The following LRBA variants were observed in gnomAD, a reference collection of about 807,000 sequenced individuals.
The protein encoded by LRBA is LPS responsive beige-like anchor protein.
In LRBA, 176 loss-of-function variants were observed where a neutral mutation model predicts 330.0. The observed-to-expected ratio is 0.53, with a 90% confidence interval of 0.47 to 0.60. The LOEUF is 0.60. Among genes scored for constraint, LRBA ranks in the 20% least tolerant of loss-of-function variants. The pLI is 0.00. For missense variants in LRBA, 3,259 were observed against 3,444.8 expected (o/e 0.95, Z 1.35); for synonymous variants, 1,230 against 1,193.0 (o/e 1.03, Z -0.64).
At chr4:150,573,230 A>G (rs1302991951) in intron 40 of LRBA, among the ~76,000 whole-genome samples, 1 of 152,174 alleles carries the variant, frequency 6.6e-6, no homozygotes, top group African/African-American at 2.4e-5. Flanking sequence ...TCACGCCAAC[A>G]AGGGTGTTAT....
intron 50 of LRBA, among the ~76,000 whole-genome samples, chr4:150,320,947 A>T (rs1321971744): frequency 6.6e-6 from 1 of 152,192 alleles, no homozygotes; most frequent in Non-Finnish European, 1.5e-5. Context: ...ATACTATATT[A>T]GAAACAATAT....
chr4:150,268,064 A>G (rs905002151), intron 56 of LRBA, among the ~76,000 whole-genome samples: 1 of 152,042 alleles, frequency 6.6e-6, no homozygotes, highest in Non-Finnish European at 1.5e-5. Context: ...CATCTCAAAA[A>G]AAAAAAAAAA....
chr4:150,788,609 A>T (rs1490508126), intron 34 of LRBA, among the ~76,000 whole-genome samples: 1 of 151,842 alleles, frequency 6.6e-6, no homozygotes, highest in Non-Finnish European at 1.5e-5. Context: ...AAAATACAAA[A>T]ATTAGCCGGG....
chr4:150,796,280 A>T (rs1740777677), intron 34 of LRBA, among the ~76,000 whole-genome samples: 1 of 151,948 alleles, frequency 6.6e-6, no homozygotes, highest in Non-Finnish European at 1.5e-5. Flanking sequence ...CACTTTTGTG[A>T]TTGCCAAGTT....
At chr4:150,685,704 C>T (rs1783555012) in intron 36 of LRBA, among the ~76,000 whole-genome samples, 2 of 151,060 alleles carry the variant, frequency 1.3e-5, no homozygotes, top group Admixed American at 6.6e-5. Context: ...AAAAGTGCTG[C>T]GATTACAGGC....
At chr4:150,323,016 TG>T (rs1732749578) in intron 49 of LRBA, among the ~76,000 whole-genome samples, 5 of 143,542 alleles carry the variant, frequency 3.5e-5, no homozygotes, top group Admixed American at 2.1e-4. Context: ...TGTGTGTGTG[TG>T]TGTGTGTGGG....
intron 40 of LRBA, among the ~76,000 whole-genome samples, chr4:150,566,320 T>A (rs911211944): frequency 6.6e-6 from 1 of 152,178 alleles, no homozygotes; most frequent in African/African-American, 2.4e-5. Context: ...TATTACTACA[T>A]AAATCTACCA....
In LRBA at chr4:150,643,812, CATG is replaced by C. The variant is rs1236542780; in HGVS notation, c.5921+39736_5921+39738del. On this transcript the variant is annotated intron_variant, in intron 37 of 56. Coordinates refer to ENST00000651943, the MANE Select transcript of LRBA (RefSeq NM_001364905.1). ...TAAATAATTGGAAAAAAAGATATTTCATGATGTGAAAATTATATAAAATTCATA... is the reference window on the plus strand; with the variant it reads ...TAAATAATTGGAAAAAAAGATATTTCATGTGAAAATTATATAAAATTCATA... Among the ~76,000 whole-genome samples the C allele has an allele frequency of 2.0e-5, 3 of 151,948 alleles. No homozygotes were observed. In the South Asian group the frequency reaches 6.2e-4, roughly 31 times the overall value.
intron 2 of LRBA, among the ~76,000 whole-genome samples, chr4:150,960,162 T>C (rs1737987464): frequency 1.3e-5 from 2 of 149,088 alleles, no homozygotes; most frequent in South Asian, 2.1e-4. Flanking sequence ...TATAATATCA[T>C]CATTATTCAG....
chr4:150,277,641 A>G (rs1432241887), intron 56 of LRBA, among the ~76,000 whole-genome samples: 1 of 152,002 alleles, frequency 6.6e-6, no homozygotes, highest in Non-Finnish European at 1.5e-5. Context: ...TTCCCTCTGC[A>G]GGTTTTACTA....
intron 44 of LRBA, among the ~76,000 whole-genome samples, chr4:150,452,416 G>A (rs1043449073): frequency 6.6e-6 from 1 of 152,182 alleles, no homozygotes; most frequent in African/African-American, 2.4e-5. Flanking sequence ...AAGGTCAGGA[G>A]ATGGAGACCA....
intron 2 of LRBA, among the ~76,000 whole-genome samples, chr4:150,948,056 A>C (rs558634196): frequency 6.6e-6 from 1 of 152,208 alleles, no homozygotes; most frequent in African/African-American, 2.4e-5. Flanking sequence ...CAATTCCTCC[A>C]AAACTGATAT....
intron 40 of LRBA, among the ~76,000 whole-genome samples, chr4:150,555,091 G>A (rs1767119653): frequency 6.6e-6 from 1 of 152,116 alleles, no homozygotes; most frequent in Admixed American, 6.5e-5. Flanking sequence ...AAGATTCAAA[G>A]GCCCTTAAAA....
intron 2 of LRBA, chr4:151,012,808 C>CTTTTTTTTTTTTTTTTTTT: frequency 8.0e-6 from 1 of 124,576 alleles, no homozygotes; most frequent in Non-Finnish European, 1.7e-5. Context: ...AAGTGAATTT[C>CTTTTTTTTTTTTTTTTTTT]TTTTTTTTTT....
At chr4:150,425,000 T>G (rs1225452833) in intron 46 of LRBA, among the ~76,000 whole-genome samples, 1 of 152,142 alleles carries the variant, frequency 6.6e-6, no homozygotes, top group East Asian at 1.9e-4. Flanking sequence ...ACAAAATAAA[T>G]AAGCATAATA....
At chr4:150,805,330 A>AG (rs1491108982) in intron 33 of LRBA, among the ~76,000 whole-genome samples, 2 of 134,394 alleles carry the variant, frequency 1.5e-5, no homozygotes, top group African/African-American at 3.0e-5. Context: ...AAAGGAAAGG[A>AG]AAGGAAAGGA....
intron 37 of LRBA, among the ~76,000 whole-genome samples, chr4:150,626,586 C>T (rs1776883980): frequency 1.3e-5 from 2 of 151,854 alleles, no homozygotes; most frequent in Admixed American, 1.3e-4. Context: ...AAAGAAGAGA[C>T]TGTAGTTTTT....
intron 40 of LRBA, among the ~76,000 whole-genome samples, chr4:150,559,657 AT>A (rs140206872): frequency 0.5 from 42,856 of 85,366 alleles, 10,094 homozygotes; most frequent in Admixed American, 0.57. Context: ...ATAATATATA[AT>A]TATAATATAT....
intron 37 of LRBA, among the ~76,000 whole-genome samples, chr4:150,681,186 T>A (rs965077770): frequency 1.3e-5 from 2 of 152,228 alleles, no homozygotes; most frequent in African/African-American, 4.8e-5. Context: ...ACAGTATGAC[T>A]CTGATTTCTC....
Sources: allele counts gnomAD v4.1 joint callset (sites outside exome capture counted in the v4.1 genomes callset), GRCh38; gene constraint gnomAD v4.1.1; transcripts MANE v1.5; gene names NCBI Gene and HGNC (gene_info 2026-07-23, HGNC 2026-07-21).